LHFPL3: variants seen among roughly 807,000 people sequenced by gnomAD.
The protein encoded by LHFPL3 is LHFPL tetraspan subfamily member 3 protein.
LHFPL3 carries 5 observed loss-of-function variants against 19.3 expected under a neutral mutation model. The observed-to-expected ratio is 0.26, with a 90% CI of 0.14 to 0.54. The LOEUF is 0.54. LHFPL3 is among the 20% of genes least tolerant of loss of function. The probability of loss-of-function intolerance (pLI) is 0.94; values close to 1 mark genes in which losing one functional copy is unlikely to be tolerated. For missense variants in LHFPL3, 249 were observed against 307.4 expected (o/e 0.81, Z 1.42); for synonymous variants, 133 against 126.2 (o/e 1.05, Z -0.36).
intron 2 of LHFPL3, among the ~76,000 whole-genome samples, chr7:104,880,298 T>C (rs1469236602): frequency 6.6e-6 from 1 of 152,048 alleles, no homozygotes; most frequent in East Asian, 1.9e-4. Flanking sequence ...CATCATGTGA[T>C]ACATTGGCTC....
intron 1 of LHFPL3, among the ~76,000 whole-genome samples, chr7:104,605,746 G>A (rs912791350): frequency 4.6e-5 from 7 of 151,528 alleles, no homozygotes; most frequent in African/African-American, 1.2e-4. Flanking sequence ...AAAAACATTC[G>A]TGTTGTATAA....
intron 1 of LHFPL3, among the ~76,000 whole-genome samples, chr7:104,489,506 T>C (rs1360580456): frequency 1.3e-5 from 2 of 150,970 alleles, no homozygotes; most frequent in Non-Finnish European, 2.9e-5. Context: ...ATACCCTCTT[T>C]CCTTTGCATC....
At chr7:104,418,357 A>G (rs1178127856) in intron 1 of LHFPL3, among the ~76,000 whole-genome samples, 1 of 151,970 alleles carries the variant, frequency 6.6e-6, no homozygotes, top group East Asian at 1.9e-4. Context: ...ACATACTAAG[A>G]CCCCATCTCT....
Position 104,770,947 on chromosome 7 carries a change from T to A in LHFPL3, c.682+34036T>A, listed in dbSNP as rs562582418. Among the ~76,000 whole-genome samples, 28 of 152,340 alleles carry A rather than the reference T, an allele frequency of 1.8e-4. 1 individual carries two copies. In the South Asian group the frequency reaches 2.5e-3, roughly 14 times the overall value. On this transcript the variant is annotated intron_variant, in intron 2 of 2. Transcript: ENST00000424859. ...TGTCAGTTTTTTAAGTGTGGGGATA[T>A]TCATTCTGCTCATTGATGAATCCCC...
At chr7:104,387,602 C>G (rs750743934) in intron 1 of LHFPL3, among the ~76,000 whole-genome samples, 1 of 151,978 alleles carries the variant, frequency 6.6e-6, no homozygotes, top group Non-Finnish European at 1.5e-5. Context: ...ATGGTACTCT[C>G]AGAATGAGAG....
At chr7:104,555,787 C>T (rs1794752208) in intron 1 of LHFPL3, among the ~76,000 whole-genome samples, 1 of 152,212 alleles carries the variant, frequency 6.6e-6, no homozygotes. Flanking sequence ...CAACATCTCA[C>T]CTGAGACAAA....
At chr7:104,371,056 G>C (rs1018638454) in intron 1 of LHFPL3, among the ~76,000 whole-genome samples, 1 of 152,054 alleles carries the variant, frequency 6.6e-6, no homozygotes, top group African/African-American at 2.4e-5. Context: ...ATAAATGCAT[G>C]GTTTGCCAGC....
At chr7:104,847,251 G>C (rs1791330180) in intron 2 of LHFPL3, among the ~76,000 whole-genome samples, 1 of 152,148 alleles carries the variant, frequency 6.6e-6, no homozygotes, top group Admixed American at 6.5e-5. Context: ...GACCCAACAG[G>C]TGAACAAGGT....
At chr7:104,775,548 G>A (rs1224051007) in intron 2 of LHFPL3, among the ~76,000 whole-genome samples, 2 of 151,918 alleles carry the variant, frequency 1.3e-5, no homozygotes, top group Non-Finnish European at 2.9e-5. Context: ...TTCCTGCCAG[G>A]TGTGTGAAAA....
chr7:104,646,698 G>C lies in LHFPL3; in HGVS notation c.446-89977G>C, dbSNP rs1383338732. On this transcript the variant is annotated intron_variant, in intron 1 of 2. Transcript: ENST00000424859. ...CATAATTATAGGGGACTGAGCTATT[G>C]AATGTTTATATAACCTAAATCATTA... Among the ~76,000 whole-genome samples, 3 of 152,166 alleles carry C rather than the reference G, an allele frequency of 2.0e-5. No individual in the cohort carries two copies. In the East Asian group the frequency reaches 5.8e-4, roughly 29 times the overall value.
Position 104,820,513 on chromosome 7 carries a change from T to C in LHFPL3, c.682+83602T>C, listed in dbSNP as rs74670554. Among the ~76,000 whole-genome samples the C allele has an allele frequency of 4.7e-4, 71 of 152,270 alleles. 1 individual carries two copies. In the East Asian group the frequency reaches 0.013, roughly 28 times the overall value. On this transcript the variant is annotated intron_variant, in intron 2 of 2. Transcript: ENST00000424859. ...GCCCTTGGCAAAATCAGGAGGCAGA[T>C]GAATTGGTGTTTCCAGGGCTCTTTG...
At chr7:104,510,531 A>C (rs1793789205) in intron 1 of LHFPL3, among the ~76,000 whole-genome samples, 1 of 152,180 alleles carries the variant, frequency 6.6e-6, no homozygotes, top group Non-Finnish European at 1.5e-5. Context: ...CACTTAATAC[A>C]AAAATTTACT....
chr7:104,485,628 T>G (rs1793222205), intron 1 of LHFPL3, among the ~76,000 whole-genome samples: 1 of 152,248 alleles, frequency 6.6e-6, no homozygotes, highest in South Asian at 2.1e-4. Context: ...CTATCATTTT[T>G]TATTATTATA....
chr7:104,541,149 A>ACACAC, intron 1 of LHFPL3, among the ~76,000 whole-genome samples: 4 of 78,592 alleles, frequency 5.1e-5, no homozygotes, highest in Admixed American at 1.2e-4. Flanking sequence ...CACACACACA[A>ACACAC]CCCTGTGGCT....
In LHFPL3 at chr7:104,574,652, G is replaced by A. The variant is rs193171550; in HGVS notation, c.446-162023G>A. Among the ~76,000 whole-genome samples, 15 of 152,146 alleles carry A rather than the reference G, an allele frequency of 9.9e-5. No homozygotes were observed. In the East Asian group the frequency reaches 1.2e-3, roughly 12 times the overall value. ...GCAAACATGGGTATTGTCAAAATTCGTCTATATTATACATTTTTGATAAAT... is the reference window on the plus strand; with the variant it reads ...GCAAACATGGGTATTGTCAAAATTCATCTATATTATACATTTTTGATAAAT... On this transcript the variant is annotated intron_variant, in intron 1 of 2. Coordinates refer to ENST00000424859, the MANE Select transcript of LHFPL3 (RefSeq NM_199000.3).
chr7:104,620,585 C>G (rs78078975), intron 1 of LHFPL3, among the ~76,000 whole-genome samples: 1 of 152,196 alleles, frequency 6.6e-6, no homozygotes, highest in African/African-American at 2.4e-5. Context: ...GTTGCCTTAT[C>G]TAGCCTCCAG....
Position 104,455,459 on chromosome 7 carries a change from A to G in LHFPL3, c.445+126235A>G, listed in dbSNP as rs996472455. 3.9e-5 allele frequency among the ~76,000 whole-genome samples: 6 copies of G among 152,276 alleles called. No individual in the cohort carries two copies. In the East Asian group the frequency reaches 7.7e-4, roughly 20 times the overall value. ...TTCCTGGCTAGGCGTGGCAGCTCAC[A>G]CCTGTAATCCCAGCACTTTGGGAGG... On this transcript the variant is annotated intron_variant, in intron 1 of 2. Coordinates refer to ENST00000424859, the MANE Select transcript of LHFPL3 (RefSeq NM_199000.3).
At chr7:104,707,871 C>T (rs901263758) in intron 1 of LHFPL3, among the ~76,000 whole-genome samples, 3 of 152,178 alleles carry the variant, frequency 2.0e-5, no homozygotes, top group African/African-American at 7.2e-5. Context: ...CACGATACTA[C>T]AAGCCAATTC....
intron 2 of LHFPL3, among the ~76,000 whole-genome samples, chr7:104,894,200 A>G (rs1017787129): frequency 1.3e-5 from 2 of 152,156 alleles, no homozygotes; most frequent in East Asian, 1.9e-4. Context: ...CTAATCAGTG[A>G]GTTACTTTTG....
Sources: allele counts gnomAD v4.1 joint callset (sites outside exome capture counted in the v4.1 genomes callset), GRCh38; gene constraint gnomAD v4.1.1; transcripts MANE v1.5; gene names NCBI Gene and HGNC (gene_info 2026-07-23, HGNC 2026-07-21).